The following BRINP3 variants were observed in gnomAD, a reference collection of about 807,000 sequenced individuals.
BRINP3 encodes the protein BMP/retinoic acid inducible neural specific 3, also known as BMP/retinoic acid-inducible neural-specific protein 3.
A neutral mutation model predicts 71.0 loss-of-function variants in BRINP3; 19 were observed. The ratio of observed to expected loss-of-function variants is 0.27; its 90% CI spans 0.19 to 0.39. The LOEUF (loss-of-function observed/expected upper bound fraction) is 0.39. BRINP3 is among the 10% of genes least tolerant of loss of function. The pLI is 1.00. For missense variants in BRINP3, 959 were observed against 940.8 expected (o/e 1.02, Z -0.25); for synonymous variants, 380 against 337.7 (o/e 1.13, Z -1.37).
chr1:190,428,989 T>A (rs953126254), intron 2 of BRINP3, among the ~76,000 whole-genome samples: 7 of 152,142 alleles, frequency 4.6e-5, no homozygotes, highest in African/African-American at 1.7e-4. Flanking sequence ...TTTAAACTAT[T>A]GCTGAAAATA....
At chr1:190,173,790 C>A (rs1652242419) in intron 6 of BRINP3, among the ~76,000 whole-genome samples, 1 of 152,078 alleles carries the variant, frequency 6.6e-6, no homozygotes, top group Non-Finnish European at 1.5e-5. Context: ...ATGAATATAA[C>A]TATTTTCCCC....
Position 190,454,876 on chromosome 1 carries a change from G to A in BRINP3, c.15C>T (p.Ser5=). 1 of 1,613,862 alleles carries A rather than the reference G, an allele frequency of 6.2e-7. No individual in the cohort carries two copies. Among genetic ancestry groups the A allele is most frequent in the South Asian group, 1.1e-5 (1 of 91,058 alleles). ...GAGAGAACAATTCAGCACCAGCTCT[G>A]CTTCGCCATATCATGCTTCCACTGG... is the stretch of plus-strand genomic sequence containing the variant. MIWR[S]RAGAELFSLM... The change falls in exon 2 of 8, where the codon AGC becomes AGT. Residue 5 remains serine (S), a synonymous_variant. Transcript: ENST00000367462.
chr1:190,331,259 C>A (rs1320458319), intron 2 of BRINP3, among the ~76,000 whole-genome samples: 1 of 151,852 alleles, frequency 6.6e-6, no homozygotes, highest in Non-Finnish European at 1.5e-5. Flanking sequence ...AAGTATATAA[C>A]ATCAGAAAAA....
intron 4 of BRINP3, among the ~76,000 whole-genome samples, chr1:190,261,077 A>T (rs1169394001): frequency 6.6e-6 from 1 of 152,086 alleles, no homozygotes; most frequent in Non-Finnish European, 1.5e-5. Context: ...TCTAAAAATT[A>T]AAATAACAAG....
At chr1:190,472,900 C>T (rs1677231743) in intron 1 of BRINP3, among the ~76,000 whole-genome samples, 1 of 151,264 alleles carries the variant, frequency 6.6e-6, no homozygotes, top group African/African-American at 2.4e-5. Flanking sequence ...TGTACAATAA[C>T]TTTGCATGGA....
intron 4 of BRINP3, among the ~76,000 whole-genome samples, chr1:190,245,110 C>T (rs1031332785): frequency 6.6e-6 from 1 of 151,952 alleles, no homozygotes; most frequent in Non-Finnish European, 1.5e-5. Flanking sequence ...ATTTGTCACC[C>T]AATTAAACAA....
chr1:190,366,108 T>G, intron 2 of BRINP3, among the ~76,000 whole-genome samples: 1 of 151,804 alleles, frequency 6.6e-6, no homozygotes, highest in East Asian at 1.9e-4. Context: ...TTGGAAATTT[T>G]TCTCTGTTGT....
rs553878147 is a variant in BRINP3, at chr1:190,343,822, C to T, written c.237-62072G>A. On this transcript the variant is annotated intron_variant, in intron 2 of 7. Transcript: ENST00000367462. ...AAAATGAAATGGGCTGTATCATACT[C>T]AGATATCAAACAGCAAGTAGATTTC... 1.6e-4 allele frequency among the ~76,000 whole-genome samples: 25 copies of T among 151,702 alleles called. No homozygotes were observed. The South Asian group carries it at 5.0e-3, about 30-fold the overall frequency.
intron 2 of BRINP3, among the ~76,000 whole-genome samples, chr1:190,344,609 T>C (rs1283337465): frequency 2.0e-5 from 3 of 151,914 alleles, no homozygotes; most frequent in Admixed American, 2.0e-4. Flanking sequence ...TCATGGTTTC[T>C]TCTTCCATTC....
intron 7 of BRINP3, among the ~76,000 whole-genome samples, chr1:190,156,252 T>C (rs1434512723): frequency 6.6e-6 from 1 of 152,096 alleles, no homozygotes; most frequent in Non-Finnish European, 1.5e-5. Context: ...AAATATCTTA[T>C]TGGTGGAGAT....
At chr1:190,303,116 A>C (rs984209018) in intron 2 of BRINP3, among the ~76,000 whole-genome samples, 1 of 151,728 alleles carries the variant, frequency 6.6e-6, no homozygotes, top group Non-Finnish European at 1.5e-5. Context: ...TTAATTTTCC[A>C]AGTTTCTGAA....
chr1:190,256,468 G>T (rs1035382939), intron 4 of BRINP3, among the ~76,000 whole-genome samples: 1 of 151,984 alleles, frequency 6.6e-6, no homozygotes, highest in Admixed American at 6.6e-5. Flanking sequence ...TTTTAATTGG[G>T]GCATTTAGCC....
intron 2 of BRINP3, among the ~76,000 whole-genome samples, chr1:190,434,798 A>G (rs1470925117): frequency 2.0e-5 from 3 of 152,148 alleles, no homozygotes; most frequent in Non-Finnish European, 4.4e-5. Flanking sequence ...GATTTATAAT[A>G]CCCAAGCCTG....
intron 6 of BRINP3, among the ~76,000 whole-genome samples, chr1:190,195,559 A>T (rs1654405227): frequency 6.6e-6 from 1 of 151,918 alleles, no homozygotes; most frequent in South Asian, 2.1e-4. Flanking sequence ...ACATTTATTC[A>T]CTTTTCCTTC....
chr1:190,290,416 TA>T (rs1189160004), intron 2 of BRINP3, among the ~76,000 whole-genome samples: 5 of 152,232 alleles, frequency 3.3e-5, no homozygotes, highest in Non-Finnish European at 7.4e-5. Context: ...ATGCCAGCCA[TA>T]AGGCAGGGGA....
At chr1:190,289,402 A>G (rs1156310550) in intron 2 of BRINP3, among the ~76,000 whole-genome samples, 1 of 152,022 alleles carries the variant, frequency 6.6e-6, no homozygotes, top group East Asian at 1.9e-4. Context: ...ATTTATTTCA[A>G]CATGCTCTTA....
intron 2 of BRINP3, among the ~76,000 whole-genome samples, chr1:190,317,885 T>A (rs890594390): frequency 1.3e-5 from 2 of 152,132 alleles, no homozygotes; most frequent in African/African-American, 4.8e-5. Flanking sequence ...GATCTCTAGG[T>A]TACTTGTGTA....
At position 190,347,328 on chromosome 1, in the gene BRINP3, G is replaced by T. The variant is rs141063991; in HGVS notation, c.237-65578C>A. Among the ~76,000 whole-genome samples, 128 of 152,184 alleles carry T rather than the reference G, an allele frequency of 8.4e-4. 2 individuals are homozygous for T. In the East Asian group the frequency reaches 0.022, roughly 26 times the overall value. ...GCCAATTTTTTTGTATTTTAGTAGA[G>T]ACGGAGTTTCACCATGTTGGCCAGG... On this transcript the variant is annotated intron_variant, in intron 2 of 7. Coordinates refer to ENST00000367462, the MANE Select transcript of BRINP3 (RefSeq NM_199051.3).
chr1:190,465,275 T>C (rs1163537452), intron 1 of BRINP3, among the ~76,000 whole-genome samples: 4 of 151,950 alleles, frequency 2.6e-5, no homozygotes, highest in African/African-American at 7.2e-5. Context: ...AAATGAAAGA[T>C]GTTTAGAAAG....
Sources: gnomAD v4.1 joint callset for allele counts (sites outside exome capture counted in the v4.1 genomes callset) on GRCh38, gnomAD v4.1.1 for gene constraint, MANE v1.5 for transcripts, NCBI Gene and HGNC (gene_info 2026-07-23, HGNC 2026-07-21) for gene names.